Variants in SRC observed in about 807,000 individuals in gnomAD.
SRC encodes SRC proto-oncogene, non-receptor tyrosine kinase.
SRC carries 13 observed loss-of-function variants against 62.9 expected under a neutral mutation model. The ratio of observed to expected loss-of-function variants is 0.21; its 90% confidence interval spans 0.13 to 0.33. The LOEUF (loss-of-function observed/expected upper bound fraction) is 0.33. Ranked by LOEUF, SRC falls within the 10% of genes least tolerant of loss-of-function variation. SRC has a pLI of 1.00. For missense variants in SRC, 457 were observed against 737.3 expected (o/e 0.62, Z 4.40); for synonymous variants, 302 against 317.5 (o/e 0.95, Z 0.52).
intron 1 of SRC, among the ~76,000 whole-genome samples, chr20:37,363,893 C>T (rs990498690): frequency 3.3e-5 from 5 of 151,960 alleles, no homozygotes; most frequent in South Asian, 2.1e-4. Flanking sequence ...CTCATCTGTG[C>T]GATGGTGTGA....
Position 37,398,583 on chromosome 20 carries a change from C to T in SRC, c.859+729C>T, listed in dbSNP as rs569116612. On this transcript the variant is annotated intron_variant, in intron 9 of 13. Transcript: ENST00000373578. The surrounding 1 kb of genome is among the most constrained non-coding windows in gnomAD (Gnocchi z 5.2). ...AGAGGGCTGATGGAGGAGAGCAGAGCGGCCTCCTGGGTGGAAGGCACTGCA... is the reference window on the plus strand; with the variant it reads ...AGAGGGCTGATGGAGGAGAGCAGAGTGGCCTCCTGGGTGGAAGGCACTGCA... Among the ~76,000 whole-genome samples, 13 of 152,344 alleles carry T rather than the reference C, an allele frequency of 8.5e-5. No homozygotes were observed. Among genetic ancestry groups the T allele is most frequent in the African/African-American group, 2.9e-4 (12 of 41,582 alleles).
At chr20:37,356,031 T>G (rs1300120295) in intron 1 of SRC, among the ~76,000 whole-genome samples, 2 of 152,072 alleles carry the variant, frequency 1.3e-5, no homozygotes, top group East Asian at 3.9e-4. Flanking sequence ...CCTCAGAGGC[T>G]CAATTACTTT....
At chr20:37,380,991 T>TC (rs754859475) in intron 2 of SRC, among the ~76,000 whole-genome samples, 1 of 152,154 alleles carries the variant, frequency 6.6e-6, no homozygotes, top group Non-Finnish European at 1.5e-5. Flanking sequence ...TCACGGATTC[T>TC]CCCAGCAGTC....
At chr20:37,381,267 G>A (rs922243454) in intron 2 of SRC, among the ~76,000 whole-genome samples, 9 of 152,126 alleles carry the variant, frequency 5.9e-5, no homozygotes, top group Admixed American at 2.0e-4. Context: ...AGTGGTCTTC[G>A]TGTTTGTGAG....
At chr20:37,345,955 C>T (rs1305144871), upstream of SRC, among the ~76,000 whole-genome samples, 3 of 151,800 alleles carry the variant, frequency 2.0e-5, no homozygotes, top group Non-Finnish European at 2.9e-5. Flanking sequence ...CTGGGTCTCT[C>T]CCGGGTCACC....
intron 10 of SRC, among the ~76,000 whole-genome samples, chr20:37,401,190 A>T (rs1251170147): frequency 6.6e-6 from 1 of 151,796 alleles, no homozygotes; most frequent in Non-Finnish European, 1.5e-5. Context: ...TTTTGTACAG[A>T]CAGAGACTTA....
rs115463879 is a variant in SRC, at chr20:37,384,515, G to A, written c.250+112G>A. The A allele has an allele frequency of 8.4e-3, 10,057 of 1,193,114 alleles. 631 individuals are homozygous for A. In the African/African-American group the frequency reaches 0.14, roughly 17 times the overall value. 73.9% of individuals were successfully genotyped at this position (1,193,114 alleles called of 1,614,324 possible). On this transcript the variant is annotated intron_variant, in intron 4 of 13. Transcript: ENST00000373578. This position sits in a 1 kb window ranked among gnomAD's most constrained non-coding sequence, Gnocchi z 6.7. ...TGCGCAGGCCCTTCCTCTCGCCAGG[G>A]GTAGCGCCCCTGGGTGACTTGGGTG...
At chr20:37,377,179 C>G (rs746978210) in intron 2 of SRC, among the ~76,000 whole-genome samples, 38 of 152,328 alleles carry the variant, frequency 2.5e-4, no homozygotes, top group Admixed American at 1.2e-3. Flanking sequence ...CCTCTTATTC[C>G]CTGGAATGAT....
intron 1 of SRC, among the ~76,000 whole-genome samples, chr20:37,363,651 T>A (rs1468200442): frequency 1.3e-5 from 2 of 152,002 alleles, no homozygotes; most frequent in Non-Finnish European, 2.9e-5. Context: ...AGGGGAGAAG[T>A]GTGGGTTTCT....
At chr20:37,355,129 T>A (rs2069862214) in intron 1 of SRC, among the ~76,000 whole-genome samples, 1 of 152,094 alleles carries the variant, frequency 6.6e-6, no homozygotes, top group African/African-American at 2.4e-5. Context: ...CTGGGTGAAG[T>A]GGGCAGGATC....
rs1314599852 is a variant in SRC, at chr20:37,397,200, C to A, written c.704-499C>A. ...TTCTCCAGCCCTGCAGCTGTTCTTT[C>A]CTCAGAGCCTTTGCTCTGGCTGTGC... On this transcript the variant is annotated intron_variant, in intron 8 of 13. Coordinates refer to ENST00000373578, the MANE Select transcript of SRC (RefSeq NM_198291.3). This position sits in a 1 kb window ranked among gnomAD's most constrained non-coding sequence, Gnocchi z 4.1. Among the ~76,000 whole-genome samples the A allele has an allele frequency of 1.3e-5, 2 of 152,218 alleles. No homozygotes were observed. Among genetic ancestry groups the A allele is most frequent in the African/African-American group, 4.8e-5 (2 of 41,460 alleles).
intron 2 of SRC, among the ~76,000 whole-genome samples, chr20:37,382,301 C>T (rs1432405786): frequency 6.6e-6 from 1 of 152,122 alleles, no homozygotes; most frequent in Non-Finnish European, 1.5e-5. Context: ...GATGAGGAAA[C>T]GGCACAGAGA....
chr20:37,385,136 A>G (rs2070434158), intron 4 of SRC, among the ~76,000 whole-genome samples: 1 of 151,268 alleles, frequency 6.6e-6, no homozygotes, highest in Admixed American at 6.6e-5. Flanking sequence ...TTGTAGCTGA[A>G]GACACACGCA....
chr20:37,349,676 A>G (rs2069773054), intron 1 of SRC, among the ~76,000 whole-genome samples: 1 of 152,156 alleles, frequency 6.6e-6, no homozygotes, highest in South Asian at 2.1e-4. Context: ...CTCTGTGGTC[A>G]AGCCCTTGCC....
chr20:37,397,991 C>A lies in SRC; in HGVS notation c.859+137C>A. On this transcript the variant is annotated intron_variant, in intron 9 of 13. Transcript: ENST00000373578. This position sits in a 1 kb window ranked among gnomAD's most constrained non-coding sequence, Gnocchi z 4.1. Reference sequence around the variant, plus strand: ...CTGTTGTAAATCTGGAGCTCCCCAGCGGTGGCTGGCACCGAGTTGGGTTGT... The same window carrying A: ...CTGTTGTAAATCTGGAGCTCCCCAGAGGTGGCTGGCACCGAGTTGGGTTGT... 1 of 1,177,060 alleles carries A rather than the reference C, an allele frequency of 8.5e-7. No individual in the cohort carries two copies. The highest frequency in any genetic ancestry group is 1.2e-6 in the Non-Finnish European group (1 of 858,708). 72.9% of individuals were successfully genotyped at this position (1,177,060 alleles called of 1,614,324 possible).
At chr20:37,363,216 T>G (rs2070004276) in intron 1 of SRC, among the ~76,000 whole-genome samples, 1 of 152,184 alleles carries the variant, frequency 6.6e-6, no homozygotes, top group South Asian at 2.1e-4. Flanking sequence ...TGAGAAAAGC[T>G]TCCTGGCCCT....
In SRC at chr20:37,401,685, C is replaced by G. The variant is rs755030987; in HGVS notation, c.1116+7C>G. Reference sequence around the variant, plus strand: ...GGTGGACATGGCTGCTCAGGTGAGTCAGCCCCTCCCGCCTCCCCACACCCT... The same window carrying G: ...GGTGGACATGGCTGCTCAGGTGAGTGAGCCCCTCCCGCCTCCCCACACCCT... On this transcript the variant is annotated splice_region_variant and intron_variant, in intron 11 of 13. Transcript: ENST00000373578. The G allele has an allele frequency of 1.2e-6, 2 of 1,604,364 alleles. No individual in the cohort carries two copies. The highest frequency in any genetic ancestry group is 2.2e-5 in the South Asian group (2 of 89,954).
At position 37,404,555 on chromosome 20, in the gene SRC, G is replaced by A. The variant is rs1056285035; in HGVS notation, c.*1176G>A. Reference sequence around the variant, plus strand: ...CGGCACCCTTTAACTCATGAGGAGGGAAAAGAGTGCCTAAGCGGGGGTGAA... The same window carrying A: ...CGGCACCCTTTAACTCATGAGGAGGAAAAAGAGTGCCTAAGCGGGGGTGAA... On this transcript the variant is annotated 3_prime_UTR_variant, in exon 14 of 14. Transcript: ENST00000373578. The A allele has an allele frequency of 2.1e-5, 5 of 233,598 alleles. No homozygotes were observed. Among genetic ancestry groups the A allele is most frequent in the African/African-American group, 1.1e-4 (5 of 45,352 alleles). The allele number at this position is 233,598 out of a possible 1,614,324, so 14.5% of individuals were successfully genotyped here. A position where few individuals can be genotyped will look rare whatever the true frequency, so the allele number is the denominator to read the frequency against.
chr20:37,392,831 G>A (rs1343289560), intron 5 of SRC, among the ~76,000 whole-genome samples: 1 of 151,778 alleles, frequency 6.6e-6, no homozygotes, highest in East Asian at 1.9e-4. Context: ...CTGCCCCCTC[G>A]TCCCCTGTCC....
Sources: allele counts gnomAD v4.1 joint callset (sites outside exome capture counted in the v4.1 genomes callset), GRCh38; gene constraint gnomAD v4.1.1; non-coding constraint Gnocchi (gnomAD v3.1); transcripts MANE v1.5; gene names NCBI Gene and HGNC (gene_info 2026-07-23, HGNC 2026-07-21).